The following GRID2 variants were observed in gnomAD, a reference collection of about 807,000 sequenced individuals.
GRID2 encodes glutamate receptor ionotropic, delta-2.
A neutral mutation model predicts 114.8 loss-of-function variants in GRID2; 33 were observed. That is an observed-to-expected ratio of 0.29 (90% CI 0.22 to 0.38). GRID2 has a LOEUF of 0.38. Ranked by LOEUF, GRID2 falls within the 10% of genes least tolerant of loss-of-function variation. The pLI is 1.00. For missense variants in GRID2, 1,184 were observed against 1,257.7 expected (o/e 0.94, Z 0.89); for synonymous variants, 505 against 449.9 (o/e 1.12, Z -1.55).
At chr4:92,373,067 C>T (rs963881863) in intron 1 of GRID2, among the ~76,000 whole-genome samples, 12 of 152,046 alleles carry the variant, frequency 7.9e-5, no homozygotes, top group South Asian at 2.1e-4. Flanking sequence ...TTAGAAAGGA[C>T]GTATTATAGG....
In GRID2 at chr4:93,463,381, C is replaced by A. The variant is rs1169974699; in HGVS notation, c.1858+7407C>A. On this transcript the variant is annotated intron_variant, in intron 11 of 15. Transcript: ENST00000282020. ...TATGAACTATATGCATACTATATGG[C>A]CCTGAAAATTATTTAGCTTGATACC... 2.0e-5 allele frequency among the ~76,000 whole-genome samples: 3 copies of A among 152,066 alleles called. No homozygotes were observed. In the East Asian group the frequency reaches 5.8e-4, roughly 29 times the overall value.
chr4:92,929,662 G>T (rs1461601794), intron 2 of GRID2, among the ~76,000 whole-genome samples: 3 of 151,220 alleles, frequency 2.0e-5, no homozygotes, highest in Non-Finnish European at 4.4e-5. Flanking sequence ...GGCATTGATA[G>T]TACAAATCAA....
intron 1 of GRID2, among the ~76,000 whole-genome samples, chr4:92,538,093 A>G (rs1416942835): frequency 6.6e-6 from 1 of 152,054 alleles, no homozygotes; most frequent in Non-Finnish European, 1.5e-5. Context: ...CTTACTATAG[A>G]TCTGTTAGTG....
intron 1 of GRID2, among the ~76,000 whole-genome samples, chr4:92,557,952 T>C (rs954422526): frequency 6.6e-6 from 1 of 152,144 alleles, no homozygotes; most frequent in South Asian, 2.1e-4. Flanking sequence ...GCCAGAATAA[T>C]TTTTAGTTTT....
chr4:93,281,909 T>C (rs979351161), intron 8 of GRID2, among the ~76,000 whole-genome samples: 4 of 152,018 alleles, frequency 2.6e-5, no homozygotes, highest in East Asian at 1.9e-4. Flanking sequence ...AGATTAATGC[T>C]AAAAAGCAAG....
At chr4:93,445,668 C>A (rs1279823617) in intron 10 of GRID2, among the ~76,000 whole-genome samples, 1 of 151,878 alleles carries the variant, frequency 6.6e-6, no homozygotes, top group African/African-American at 2.4e-5. Flanking sequence ...ATTTTTAATA[C>A]CTAAAACTTG....
intron 14 of GRID2, among the ~76,000 whole-genome samples, chr4:93,656,597 G>A (rs930330543): frequency 1.3e-5 from 2 of 151,800 alleles, no homozygotes; most frequent in Admixed American, 1.3e-4. Context: ...TTGGGAGGCT[G>A]AGGCAGACGG....
intron 14 of GRID2, among the ~76,000 whole-genome samples, chr4:93,753,677 C>A (rs1481241751): frequency 2.0e-5 from 3 of 152,178 alleles, no homozygotes; most frequent in Non-Finnish European, 2.9e-5. Context: ...ATGAACTTAT[C>A]CTTTTTATGG....
chr4:92,627,901 C>T (rs771207044), intron 2 of GRID2, among the ~76,000 whole-genome samples: 6 of 152,012 alleles, frequency 3.9e-5, no homozygotes, highest in Non-Finnish European at 7.4e-5. Flanking sequence ...ACACTATGGC[C>T]AATTTCATTT....
At chr4:92,790,260 C>T (rs1291442268) in intron 2 of GRID2, among the ~76,000 whole-genome samples, 7 of 151,148 alleles carry the variant, frequency 4.6e-5, no homozygotes, top group African/African-American at 1.5e-4. Context: ...ATTTGGATTC[C>T]ATCACCTCTA....
rs141319747 is a variant in GRID2 at position 93,159,200 on chromosome 4, T to C, written c.736-48204T>C. ...AATGGCTTGAGGAAATAGATGATTG[T>C]ACTTGTACTGGTCAAATTACTAAAG... On this transcript the variant is annotated intron_variant, in intron 4 of 15. Coordinates refer to ENST00000282020, the MANE Select transcript of GRID2 (RefSeq NM_001510.4). 4.3e-3 allele frequency among the ~76,000 whole-genome samples: 650 copies of C among 151,822 alleles called. 8 individuals are homozygous for C. Among genetic ancestry groups the C allele is most frequent in the African/African-American group, 0.015 (627 of 41,508 alleles).
At chr4:93,131,145 ATTTTTTTTTTT>A (rs34215461) in intron 4 of GRID2, among the ~76,000 whole-genome samples, 2 of 88,748 alleles carry the variant, frequency 2.3e-5, no homozygotes, top group African/African-American at 5.2e-5. Flanking sequence ...AGATTAAATA[ATTTTTTTTTTT>A]TTTTTTTTTT....
chr4:92,590,088 A>G, intron 1 of GRID2, 43 bp from the exon 2 acceptor site: 1 of 1,363,140 alleles, frequency 7.3e-7, no homozygotes, highest in East Asian at 2.3e-5. Context: ...GGATGACAGA[A>G]TATTTATGTT....
At chr4:92,873,580 A>G (rs757688480) in intron 2 of GRID2, among the ~76,000 whole-genome samples, 5 of 152,270 alleles carry the variant, frequency 3.3e-5, no homozygotes, top group African/African-American at 7.2e-5. Flanking sequence ...ATACGCTTCT[A>G]TTGTCAAAAG....
At chr4:93,259,663 A>G (rs547032628) in intron 8 of GRID2, among the ~76,000 whole-genome samples, 1 of 151,936 alleles carries the variant, frequency 6.6e-6, no homozygotes, top group East Asian at 1.9e-4. Flanking sequence ...AATATATTTT[A>G]CCCCATATTT....
At chr4:93,396,749 C>T (rs1765370680) in intron 9 of GRID2, among the ~76,000 whole-genome samples, 1 of 151,774 alleles carries the variant, frequency 6.6e-6, no homozygotes, top group African/African-American at 2.4e-5. Context: ...AGTTTTCTTT[C>T]CTAATAGATA....
chr4:92,792,011 G>A (rs1370835722), intron 2 of GRID2, among the ~76,000 whole-genome samples: 1 of 151,704 alleles, frequency 6.6e-6, no homozygotes, highest in Non-Finnish European at 1.5e-5. Context: ...CCATAACATT[G>A]GTTATTTTCT....
chr4:92,326,169 G>A (rs1222663911), intron 1 of GRID2, among the ~76,000 whole-genome samples: 1 of 151,802 alleles, frequency 6.6e-6, no homozygotes, highest in East Asian at 1.9e-4. Context: ...TCAGAATTGA[G>A]CTATCACTGC....
chr4:92,556,106 T>C (rs1003242133), intron 1 of GRID2, among the ~76,000 whole-genome samples: 10 of 152,284 alleles, frequency 6.6e-5, no homozygotes, highest in Admixed American at 2.0e-4. Flanking sequence ...GTGGACAACC[T>C]GTGTCCTAAG....
Sources: gnomAD v4.1 joint callset for allele counts (sites outside exome capture counted in the v4.1 genomes callset) on GRCh38, gnomAD v4.1.1 for gene constraint, MANE v1.5 for transcripts, NCBI Gene and HGNC (gene_info 2026-07-23, HGNC 2026-07-21) for gene names.